Variants in RHOT1 observed in about 807,000 individuals in gnomAD.
The protein encoded by RHOT1 is mitochondrial Rho GTPase 1.
Under a neutral mutation model 95.3 loss-of-function variants are expected in RHOT1, and 27 were observed. The ratio of observed to expected loss-of-function variants is 0.28; its 90% CI spans 0.21 to 0.39. The LOEUF is 0.39. Ranked by LOEUF, RHOT1 falls within the 10% of genes least tolerant of loss-of-function variation. The probability of loss-of-function intolerance (pLI) is 1.00; values close to 1 mark genes in which losing one functional copy is unlikely to be tolerated. For synonymous variants in RHOT1, 227 were observed against 263.5 expected, an observed-to-expected ratio of 0.86 and a Z score of 1.34; for missense variants, 578 against 786.7, an observed-to-expected ratio of 0.73 and a Z score of 3.17.
At chr17:32,204,956 C>T (rs1322855133) in intron 16 of RHOT1, among the ~76,000 whole-genome samples, 1 of 150,420 alleles carries the variant, frequency 6.6e-6, no homozygotes, top group Non-Finnish European at 1.5e-5. Flanking sequence ...GCACTCCAGC[C>T]TGGGCAACAA....
intron 9 of RHOT1, among the ~76,000 whole-genome samples, chr17:32,192,851 T>C (rs2036599944): frequency 6.6e-6 from 1 of 151,972 alleles, no homozygotes; most frequent in South Asian, 2.1e-4. Flanking sequence ...TTTGTATTTT[T>C]AGTAGAGACG....
chr17:32,175,335 T>C lies in RHOT1; in HGVS notation c.195T>C (p.Asp65=), dbSNP rs754527260. 6.2e-7 allele frequency: 1 copy of C among 1,613,906 alleles called. No individual in the cohort carries two copies. The highest frequency in any genetic ancestry group is 8.5e-7 in the Non-Finnish European group (1 of 1,179,776). ...CATTTGTAGAAGCAGAACAGAGTGA[T>C]GAACAACTTCATCAAGAAATATCTC... ...IVDYSEAEQS[D]EQLHQEISQA... The change falls in exon 4 of 20, where the codon GAT becomes GAC. Residue 65 remains aspartate (D), a synonymous_variant. Coordinates refer to ENST00000545287, the MANE Select transcript of RHOT1 (RefSeq NM_001033566.3).
At chr17:32,175,913 A>G in intron 4 of RHOT1, 49 bp from the exon 5 acceptor site, 1 of 1,290,664 alleles carries the variant, frequency 7.7e-7, no homozygotes, top group Non-Finnish European at 1.1e-6. Context: ...AGTGCTGTCT[A>G]TGTTTTTATT....
intron 11 of RHOT1, among the ~76,000 whole-genome samples, chr17:32,197,667 A>AG (rs553923555): frequency 8.9e-4 from 135 of 151,878 alleles, no homozygotes; most frequent in Non-Finnish European, 1.8e-3. Context: ...TGACCTCGTG[A>AG]TCTGCCCGCC....
rs374113794 is a variant in RHOT1, at chr17:32,173,928, T to C, written c.178+16T>C. ...GATTACTCAGGTAATGAATATCCTC[T>C]TGTAGATGAAGGTGTAGGTTAATTT... On this transcript the variant is annotated intron_variant, in intron 3 of 19. Transcript: ENST00000545287. The C allele has an allele frequency of 4.3e-5, 66 of 1,523,056 alleles. 4 individuals carry two copies. The East Asian group carries it at 6.1e-4, about 14-fold the overall frequency. 94.3% of individuals were successfully genotyped at this position (1,523,056 alleles called of 1,614,324 possible).
chr17:32,187,718 G>C (rs1378309971), intron 8 of RHOT1, among the ~76,000 whole-genome samples: 2 of 152,070 alleles, frequency 1.3e-5, no homozygotes, highest in East Asian at 3.9e-4. Flanking sequence ...ACGGGCATGT[G>C]CCACCACATC....
intron 1 of RHOT1, among the ~76,000 whole-genome samples, chr17:32,169,325 A>G (rs150589398): frequency 1.8e-4 from 27 of 152,338 alleles, no homozygotes; most frequent in African/African-American, 6.3e-4. Context: ...CTAGATTCAC[A>G]AAAGGATTTA....
At chr17:32,181,366 A>G (rs1322833155) in intron 6 of RHOT1, among the ~76,000 whole-genome samples, 1 of 152,188 alleles carries the variant, frequency 6.6e-6, no homozygotes, top group Non-Finnish European at 1.5e-5. Context: ...ATTTTTTTCC[A>G]GCCAAAACCT....
At chr17:32,198,857 C>T (rs2037100326) in intron 11 of RHOT1, 90 bp from the exon 12 acceptor site, 8 of 811,386 alleles carry the variant, frequency 9.9e-6, no homozygotes, top group Admixed American at 2.1e-5. Context: ...ATGGTGTTAC[C>T]TCACAAAAGA....
intron 1 of RHOT1, chr17:32,160,040 A>G (rs978697613): frequency 6.6e-6 from 1 of 152,268 alleles, no homozygotes; most frequent in Admixed American, 6.5e-5. Context: ...CTGCCAGACC[A>G]GAAGAGAGAC....
chr17:32,225,354 A>G lies in RHOT1; in HGVS notation c.*621A>G, dbSNP rs2039068400. On this transcript the variant is annotated 3_prime_UTR_variant, in exon 20 of 20. Transcript: ENST00000545287. ...TCACCTTTAAGGGTGAAGTTAGGTAAAAGCAATTAGCAGAGGCGTTATCTA... is the reference window on the plus strand; with the variant it reads ...TCACCTTTAAGGGTGAAGTTAGGTAGAAGCAATTAGCAGAGGCGTTATCTA... 1 of 152,640 alleles carries G rather than the reference A, an allele frequency of 6.6e-6. No individual in the cohort carries two copies. Among genetic ancestry groups the G allele is most frequent in the Non-Finnish European group, 1.5e-5 (1 of 68,040 alleles). The allele number at this position is 152,640 out of a possible 1,614,324, so 9.5% of individuals were successfully genotyped here. A position where few individuals can be genotyped will look rare whatever the true frequency, so the allele number is the denominator to read the frequency against.
At position 32,175,996 on chromosome 17, in the gene RHOT1, A is replaced by G; in HGVS notation, c.257A>G (p.Asn86Ser). ...NVICIVYAVN[N>S]KHSIDKVTSR... ...ATCTGTATAGTGTATGCCGTTAACAACAAGCATTCTATTGATAAGGTAGGT... is the reference window on the plus strand; with the variant it reads ...ATCTGTATAGTGTATGCCGTTAACAGCAAGCATTCTATTGATAAGGTAGGT... The change falls in exon 5 of 20, where the codon AAC becomes AGC. Residue 86 changes from asparagine (N) to serine (S), a missense_variant. Physicochemically the swap from Asn to Ser is conservative, Grantham distance 46. Coordinates refer to ENST00000545287, the MANE Select transcript of RHOT1 (RefSeq NM_001033566.3). 2 of 1,604,766 alleles carry G rather than the reference A, an allele frequency of 1.2e-6. No homozygotes were observed. Among genetic ancestry groups the G allele is most frequent in the Admixed American group, 1.7e-5 (1 of 57,694 alleles).
At chr17:32,216,159 A>G (rs1329583144) in intron 19 of RHOT1, among the ~76,000 whole-genome samples, 1 of 152,096 alleles carries the variant, frequency 6.6e-6, no homozygotes, top group Non-Finnish European at 1.5e-5. Context: ...CCTGCTTTGC[A>G]TGAGAATGTT....
chr17:32,152,664 A>G (rs987474507), intron 1 of RHOT1, among the ~76,000 whole-genome samples: 1 of 152,150 alleles, frequency 6.6e-6, no homozygotes, highest in Non-Finnish European at 1.5e-5. Flanking sequence ...GGGAACTTCA[A>G]GGGGAACAAA....
At chr17:32,185,315 G>A (rs755168830) in intron 8 of RHOT1, among the ~76,000 whole-genome samples, 2 of 152,080 alleles carry the variant, frequency 1.3e-5, no homozygotes, top group Non-Finnish European at 2.9e-5. Flanking sequence ...TCTCTATGTT[G>A]GTCAGGCTGG....
At chr17:32,173,732 A>G in intron 2 of RHOT1, 99 bp from the exon 3 acceptor site, 1 of 830,194 alleles carries the variant, frequency 1.2e-6, no homozygotes. Context: ...AAGAAAAGAA[A>G]CACTCAACCT....
intron 1 of RHOT1, among the ~76,000 whole-genome samples, chr17:32,158,575 G>A (rs886981449): frequency 9.2e-5 from 14 of 151,838 alleles, no homozygotes; most frequent in Admixed American, 2.0e-4. Context: ...TTCTCCTGCC[G>A]CAGCCTCCCT....
chr17:32,185,615 C>T (rs987595244), intron 8 of RHOT1, among the ~76,000 whole-genome samples: 1 of 151,890 alleles, frequency 6.6e-6, no homozygotes, highest in African/African-American at 2.4e-5. Flanking sequence ...ACCATGTTGC[C>T]CAGGTTGGTC....
At chr17:32,193,896 T>A (rs1203380972) in intron 10 of RHOT1, 91 bp from the exon 11 acceptor site, 8 of 1,463,602 alleles carry the variant, frequency 5.5e-6, no homozygotes, top group Non-Finnish European at 6.5e-6. Flanking sequence ...CTAGCATCCG[T>A]ATGTTCATGA....
Sources: gnomAD v4.1 joint callset for allele counts (sites outside exome capture counted in the v4.1 genomes callset) on GRCh38, gnomAD v4.1.1 for gene constraint, MANE v1.5 for transcripts, NCBI Gene and HGNC (gene_info 2026-07-23, HGNC 2026-07-21) for gene names.